Variants in GNAO1 observed in about 807,000 individuals in gnomAD.
GNAO1 encodes the protein G protein subunit alpha o1.
For missense variants in GNAO1, 166 were observed against 478.7 expected (o/e 0.35, Z 6.10); for synonymous variants, 164 against 180.7 (o/e 0.91, Z 0.74).
chr16:56,295,825 A>C (rs1352264909), intron 3 of GNAO1, among the ~76,000 whole-genome samples: 1 of 152,188 alleles, frequency 6.6e-6, no homozygotes, highest in Non-Finnish European at 1.5e-5. Context: ...TTCCTTTCTG[A>C]ATCAGAAACC....
At chr16:56,291,189 T>A (rs1490900988) in intron 3 of GNAO1, among the ~76,000 whole-genome samples, 2 of 152,196 alleles carry the variant, frequency 1.3e-5, no homozygotes, top group Non-Finnish European at 2.9e-5. Flanking sequence ...TGAGGAACCA[T>A]CAAACTGTTT....
At chr16:56,328,584 C>A in intron 3 of GNAO1, 47 bp from the exon 4 acceptor site, 3 of 1,595,718 alleles carry the variant, frequency 1.9e-6, no homozygotes, top group Non-Finnish European at 2.6e-6. Context: ...CAGAGGTCTT[C>A]TGTCCCCACC....
intron 3 of GNAO1, among the ~76,000 whole-genome samples, chr16:56,282,852 C>G (rs1293014517): frequency 6.6e-6 from 1 of 152,202 alleles, no homozygotes; most frequent in African/African-American, 2.4e-5. Flanking sequence ...AAGGAGCAAG[C>G]CTTTGTCTAA....
intron 3 of GNAO1, among the ~76,000 whole-genome samples, chr16:56,321,097 C>A (rs928874215): frequency 3.3e-5 from 5 of 152,144 alleles, no homozygotes; most frequent in African/African-American, 1.2e-4. Flanking sequence ...GGCTCAGAAG[C>A]CAGGAAAGCC....
chr16:56,222,058 C>A (rs2036494794), intron 2 of GNAO1, among the ~76,000 whole-genome samples: 1 of 152,152 alleles, frequency 6.6e-6, no homozygotes, highest in Admixed American at 6.5e-5. Context: ...ATGGAGTTTA[C>A]AAGAGTTTTT....
At chr16:56,219,544 C>G (rs761480443) in intron 2 of GNAO1, among the ~76,000 whole-genome samples, 2 of 152,108 alleles carry the variant, frequency 1.3e-5, no homozygotes, top group African/African-American at 2.4e-5. Context: ...TCTTTGGTAT[C>G]GGATATTAGG....
chr16:56,191,923 T>A lies in GNAO1; in HGVS notation c.-313T>A, dbSNP rs1596787126. On this transcript the variant is annotated 5_prime_UTR_variant, in exon 1 of 9. Coordinates refer to ENST00000262493, the MANE Select transcript of GNAO1 (RefSeq NM_020988.3). This position sits in a 1 kb window ranked among gnomAD's most constrained non-coding sequence, Gnocchi z 4.7. Reference sequence around the variant, plus strand: ...ATTTTGGGTCGTGCACAAGCCTCAGTGCCTGCAGTCCGCGCCTCCTCGGCC... The same window carrying A: ...ATTTTGGGTCGTGCACAAGCCTCAGAGCCTGCAGTCCGCGCCTCCTCGGCC... 2.3e-6 allele frequency: 1 copy of A among 434,282 alleles called. No homozygotes were observed. Among genetic ancestry groups the A allele is most frequent in the Admixed American group, 4.0e-5 (1 of 24,792 alleles). The allele number at this position is 434,282 out of a possible 1,614,324, so 26.9% of individuals were successfully genotyped here.
At chr16:56,242,831 G>A (rs1420545078) in intron 2 of GNAO1, among the ~76,000 whole-genome samples, 1 of 152,174 alleles carries the variant, frequency 6.6e-6, no homozygotes, top group African/African-American at 2.4e-5. Flanking sequence ...ATGCTTTAGA[G>A]CAGTGGTCCC....
chr16:56,331,332 C>T (rs2037686245), intron 4 of GNAO1, among the ~76,000 whole-genome samples: 1 of 152,178 alleles, frequency 6.6e-6, no homozygotes, highest in Non-Finnish European at 1.5e-5. Context: ...GTGAAAGGTG[C>T]TCTGGGGCCT....
At chr16:56,197,731 C>G (rs1185744488) in intron 2 of GNAO1, among the ~76,000 whole-genome samples, 3 of 152,210 alleles carry the variant, frequency 2.0e-5, no homozygotes, top group African/African-American at 7.2e-5. Flanking sequence ...TGTCTTGTTT[C>G]TTTTAACACA....
chr16:56,355,226 T>TAC (rs1555508549), intron 8 of GNAO1, 145 bp downstream of exon 8: 49 of 216,216 alleles, frequency 2.3e-4, no homozygotes, highest in East Asian at 1.3e-3. Flanking sequence ...TATATATATA[T>TAC]ACAAATATAT....
intron 2 of GNAO1, among the ~76,000 whole-genome samples, chr16:56,241,338 C>T (rs574699261): frequency 1.3e-5 from 2 of 152,270 alleles, no homozygotes; most frequent in African/African-American, 2.4e-5. Context: ...GCAGCACTAG[C>T]GATGCAGCAC....
chr16:56,327,748 C>A (rs189131481), intron 3 of GNAO1, among the ~76,000 whole-genome samples: 9 of 152,128 alleles, frequency 5.9e-5, no homozygotes, highest in Non-Finnish European at 1.3e-4. Flanking sequence ...CAAGAAGGCT[C>A]AGCCTACACG....
At chr16:56,217,331 T>C (rs992599332) in intron 2 of GNAO1, among the ~76,000 whole-genome samples, 1 of 152,246 alleles carries the variant, frequency 6.6e-6, no homozygotes, top group African/African-American at 2.4e-5. Flanking sequence ...TGCATAGTCA[T>C]TTTTAATAAG....
intron 2 of GNAO1, among the ~76,000 whole-genome samples, chr16:56,207,858 A>G (rs564110877): frequency 6.6e-6 from 1 of 152,184 alleles, no homozygotes; most frequent in Non-Finnish European, 1.5e-5. Context: ...CATTAATCTT[A>G]TATGTTTTAC....
At chr16:56,289,416 A>C (rs2037208447) in intron 3 of GNAO1, among the ~76,000 whole-genome samples, 1 of 152,090 alleles carries the variant, frequency 6.6e-6, no homozygotes, top group Non-Finnish European at 1.5e-5. Context: ...GGGGATGGGG[A>C]CACCGGTGTG....
chr16:56,224,310 C>G (rs548856056), intron 2 of GNAO1, among the ~76,000 whole-genome samples: 1 of 152,216 alleles, frequency 6.6e-6, no homozygotes, highest in Admixed American at 6.5e-5. Context: ...CTGCAGTGGC[C>G]TTTGGAGAAG....
At chr16:56,329,350 G>C (rs1490162221) in intron 4 of GNAO1, 2 of 152,242 alleles carry the variant, frequency 1.3e-5, no homozygotes, top group Non-Finnish European at 2.9e-5. Flanking sequence ...GAGGACGGAA[G>C]GAAGAAAGGA....
intron 3 of GNAO1, among the ~76,000 whole-genome samples, chr16:56,308,913 C>T (rs2037426261): frequency 6.6e-6 from 1 of 152,006 alleles, no homozygotes; most frequent in Non-Finnish European, 1.5e-5. Flanking sequence ...GCCAGAGACC[C>T]CCACCCCCAC....
Sources: allele counts gnomAD v4.1 joint callset (sites outside exome capture counted in the v4.1 genomes callset), GRCh38; gene constraint gnomAD v4.1.1; non-coding constraint Gnocchi (gnomAD v3.1); transcripts MANE v1.5; gene names NCBI Gene and HGNC (gene_info 2026-07-23, HGNC 2026-07-21).